AGTPBP1: variants seen among roughly 807,000 people sequenced by gnomAD.
The protein encoded by AGTPBP1 is cytosolic carboxypeptidase 1.
Under a neutral mutation model 143.9 loss-of-function variants are expected in AGTPBP1, and 70 were observed. The observed-to-expected ratio is 0.49, with a 90% CI of 0.40 to 0.59. AGTPBP1 has a LOEUF of 0.59. Among genes scored for constraint, AGTPBP1 ranks in the 20% least tolerant of loss-of-function variants. AGTPBP1 has a pLI of 0.00. For missense variants in AGTPBP1, 1,229 were observed against 1,464.5 expected (o/e 0.84, Z 2.62); for synonymous variants, 463 against 500.2 (o/e 0.93, Z 0.99).
At chr9:85,604,384 G>A (rs1829867053) in intron 17 of AGTPBP1, among the ~76,000 whole-genome samples, 1 of 152,204 alleles carries the variant, frequency 6.6e-6, no homozygotes, top group Non-Finnish European at 1.5e-5. Context: ...ATCTCTACAA[G>A]TCTGCAAGAG....
intron 2 of AGTPBP1, among the ~76,000 whole-genome samples, chr9:85,706,435 G>A (rs896848043): frequency 1.9e-4 from 29 of 151,370 alleles, no homozygotes; most frequent in African/African-American, 6.8e-4. Flanking sequence ...GCTTGAACCC[G>A]GGAAGCGGAA....
chr9:85,795,925 G>C, the AGTPBP1 span, among the ~76,000 whole-genome samples: 1 of 129,854 alleles, frequency 7.7e-6, no homozygotes, highest in Non-Finnish European at 1.5e-5. Context: ...AATTGTTGAA[G>C]TTTAGTTACT....
intron 13 of AGTPBP1, among the ~76,000 whole-genome samples, chr9:85,639,367 GCACACACACACACACACACA>G (rs60915473): frequency 6.8e-6 from 1 of 147,332 alleles, no homozygotes; most frequent in Admixed American, 6.8e-5. Context: ...GCGCGCACGC[GCACACACACACACACACACA>G]CACACACACA....
At position 85,623,593 on chromosome 9, in the gene AGTPBP1, T is replaced by TA. The variant is rs1416294336; in HGVS notation, c.2016-2309dup. On this transcript the variant is annotated intron_variant, in intron 14 of 25. Transcript: ENST00000357081. ...CAACATGGTGAAACCCCATCTCTACTAAAAAATACAAAAATTAGCTGGGTG... is the reference window on the plus strand; with the variant it reads ...CAACATGGTGAAACCCCATCTCTACTAAAAAAATACAAAAATTAGCTGGGTG... 3.4e-4 allele frequency among the ~76,000 whole-genome samples: 52 copies of TA among 151,638 alleles called. 1 individual carries two copies. Among genetic ancestry groups the TA allele is most frequent in the Non-Finnish European group, 2.5e-4 (17 of 67,878 alleles).
chr9:85,549,435 A>G (rs1422497938), intron 25 of AGTPBP1, among the ~76,000 whole-genome samples: 7 of 152,214 alleles, frequency 4.6e-5, no homozygotes, highest in Non-Finnish European at 1.0e-4. Flanking sequence ...CTTTCCCCCT[A>G]TCTGAAAACA....
upstream of AGTPBP1, among the ~76,000 whole-genome samples, chr9:85,743,266 T>C (rs1300954064): frequency 6.6e-6 from 1 of 152,194 alleles, no homozygotes; most frequent in Non-Finnish European, 1.5e-5. Context: ...ACCTGCAATA[T>C]AGGAAGATAT....
chr9:85,655,332 A>C lies in AGTPBP1; in HGVS notation c.910-12T>G. 6.8e-7 allele frequency: 1 copy of C among 1,470,498 alleles called. No homozygotes were observed. Among genetic ancestry groups the C allele is most frequent in the East Asian group, 2.6e-5 (1 of 38,490 alleles). The allele number at this position is 1,470,498 out of a possible 1,614,324, so 91.1% of individuals were successfully genotyped here. A position where few individuals can be genotyped will look rare whatever the true frequency, so the allele number is the denominator to read the frequency against. On this transcript the variant is annotated splice_polypyrimidine_tract_variant and intron_variant, in intron 10 of 25. Transcript: ENST00000357081. Reference sequence around the variant, plus strand: ...ACTGCCAGACATTCCTGTTTTTTAAAAAAAGAAAAAGAAAAAGAATGTTTT... The same window carrying C: ...ACTGCCAGACATTCCTGTTTTTTAACAAAAGAAAAAGAAAAAGAATGTTTT...
intron 13 of AGTPBP1, among the ~76,000 whole-genome samples, chr9:85,639,146 A>T (rs1832278985): frequency 6.6e-6 from 1 of 152,162 alleles, no homozygotes; most frequent in South Asian, 2.1e-4. Flanking sequence ...AATAAATTTA[A>T]AAGATTTAAA....
chr9:85,617,321 A>T (rs915979191), intron 17 of AGTPBP1, among the ~76,000 whole-genome samples: 5 of 152,162 alleles, frequency 3.3e-5, no homozygotes, highest in Admixed American at 3.3e-4. Flanking sequence ...GAGATTTTGT[A>T]ACTTGTCACA....
intron 22 of AGTPBP1, among the ~76,000 whole-genome samples, chr9:85,585,999 G>A (rs574911584): frequency 6.6e-5 from 10 of 152,264 alleles, no homozygotes; most frequent in African/African-American, 1.9e-4. Flanking sequence ...GATCACCAGA[G>A]GCCAGCATTT....
chr9:85,755,081 G>A, the AGTPBP1 span, among the ~76,000 whole-genome samples: 4 of 152,140 alleles, frequency 2.6e-5, no homozygotes, highest in African/African-American at 7.2e-5. Flanking sequence ...GTGCTTATAA[G>A]ATTATACTAT....
intron 23 of AGTPBP1, among the ~76,000 whole-genome samples, chr9:85,583,909 A>C (rs1420048193): frequency 6.6e-6 from 1 of 151,936 alleles, no homozygotes; most frequent in Non-Finnish European, 1.5e-5. Flanking sequence ...ATAATTCTTA[A>C]GTGCTATGAA....
chr9:85,739,850 T>C (rs1824117116), intron 1 of AGTPBP1, among the ~76,000 whole-genome samples: 1 of 150,934 alleles, frequency 6.6e-6, no homozygotes, highest in African/African-American at 2.4e-5. Context: ...CCGTCTCTAC[T>C]AAAAACACAA....
intron 1 of AGTPBP1, among the ~76,000 whole-genome samples, chr9:85,728,030 TACACAC>T (rs57676033): frequency 0.038 from 4,881 of 128,376 alleles, 182 homozygotes; most frequent in African/African-American, 0.088. Flanking sequence ...TATATTTATA[TACACAC>T]ACACACACAC....
At chr9:85,628,497 G>A (rs1005803255) in intron 14 of AGTPBP1, among the ~76,000 whole-genome samples, 6 of 152,172 alleles carry the variant, frequency 3.9e-5, no homozygotes, top group Non-Finnish European at 8.8e-5. Flanking sequence ...CAGAATTTAT[G>A]ACTTATTTCT....
intron 14 of AGTPBP1, among the ~76,000 whole-genome samples, chr9:85,626,861 G>GC (rs1389030455): frequency 6.6e-6 from 1 of 152,146 alleles, no homozygotes; most frequent in Non-Finnish European, 1.5e-5. Context: ...GTGCCACGAA[G>GC]CCTTATTTTC....
At chr9:85,740,090 A>T (rs1824143033) in intron 1 of AGTPBP1, among the ~76,000 whole-genome samples, 1 of 152,224 alleles carries the variant, frequency 6.6e-6, no homozygotes, top group Non-Finnish European at 1.5e-5. Flanking sequence ...TAAAACCATT[A>T]TTATATAGCA....
chr9:85,630,391 C>CTTACTTACTTATTTATTTATTTATTTAT (rs777830669), intron 14 of AGTPBP1, among the ~76,000 whole-genome samples: 1,837 of 151,448 alleles, frequency 0.012, 15 homozygotes, highest in Middle Eastern at 0.037. Context: ...TACTTACTTA[C>CTTACTTACTTATTTATTTATTTATTTAT]TTATTTATTT....
chr9:85,693,290 C>T (rs895170539), intron 2 of AGTPBP1, among the ~76,000 whole-genome samples: 3 of 152,084 alleles, frequency 2.0e-5, no homozygotes, highest in Admixed American at 6.6e-5. Flanking sequence ...CTTCCCTGTT[C>T]CTATTTATCA....
Sources: gnomAD v4.1 joint callset for allele counts (sites outside exome capture counted in the v4.1 genomes callset) on GRCh38, gnomAD v4.1.1 for gene constraint, MANE v1.5 for transcripts, NCBI Gene and HGNC (gene_info 2026-07-23, HGNC 2026-07-21) for gene names.